Variants in KSR2 observed in about 807,000 individuals in gnomAD.
The protein encoded by KSR2 is kinase suppressor of ras 2.
Under a neutral mutation model 107.8 loss-of-function variants are expected in KSR2, and 25 were observed. The observed-to-expected ratio is 0.23, with a 90% CI of 0.17 to 0.32. The LOEUF is 0.32. Ranked by LOEUF, KSR2 falls within the 10% of genes least tolerant of loss-of-function variation. KSR2 has a pLI of 1.00. For synonymous variants in KSR2, 480 were observed against 507.0 expected, an observed-to-expected ratio of 0.95 and a Z score of 0.71; for missense variants, 887 against 1,268.9, an observed-to-expected ratio of 0.70 and a Z score of 4.57.
intron 1 of KSR2, among the ~76,000 whole-genome samples, chr12:117,945,652 T>C (rs533687505): frequency 1.3e-5 from 2 of 152,286 alleles, no homozygotes; most frequent in Admixed American, 6.5e-5. Context: ...CCAGCCTGGG[T>C]GACAGAGTGA....
chr12:117,484,922 C>T (rs771116701), intron 15 of KSR2, among the ~76,000 whole-genome samples: 1 of 152,218 alleles, frequency 6.6e-6, no homozygotes, highest in African/African-American at 2.4e-5. Flanking sequence ...GTCAGATCTA[C>T]TTAACCTATG....
intron 3 of KSR2, among the ~76,000 whole-genome samples, chr12:117,829,260 T>C (rs933254282): frequency 2.6e-5 from 4 of 152,196 alleles, no homozygotes; most frequent in African/African-American, 7.2e-5. Context: ...TTTTTCCGTA[T>C]GCCTGAGCAG....
rs56169273 is a variant in KSR2 at position 117,637,675 on chromosome 12, G to GTT, written c.1171+29797_1171+29798dup. Among the ~76,000 whole-genome samples the GTT allele has an allele frequency of 7.2e-4, 66 of 92,090 alleles. 3 individuals are homozygous for GTT. The highest frequency in any genetic ancestry group is 8.7e-4 in the Admixed American group (6 of 6,912). 60.4% of individuals were successfully genotyped at this position (92,090 alleles called of 152,430 possible). On this transcript the variant is annotated intron_variant, in intron 5 of 19. Transcript: ENST00000339824. ...AATGGGACCCAGCAGTCAGTTTTGG[G>GTT]TTTTTTTTTTTTTTTTTTTTTTTTG...
intron 1 of KSR2, among the ~76,000 whole-genome samples, chr12:117,959,056 T>A (rs1896592016): frequency 6.6e-6 from 1 of 152,238 alleles, no homozygotes. Flanking sequence ...TTACCTGGAT[T>A]TGATTATTAT....
At chr12:117,630,175 C>T (rs1882737900) in intron 5 of KSR2, among the ~76,000 whole-genome samples, 1 of 152,240 alleles carries the variant, frequency 6.6e-6, no homozygotes, top group Admixed American at 6.5e-5. Flanking sequence ...CGTCTCTCAG[C>T]AGCCCAGTGA....
intron 19 of KSR2, among the ~76,000 whole-genome samples, chr12:117,468,530 A>G (rs962033761): frequency 1.3e-5 from 2 of 152,206 alleles, no homozygotes; most frequent in African/African-American, 4.8e-5. Flanking sequence ...GTAAAAAAAG[A>G]GCCTCCTAAT....
At chr12:117,917,706 C>A (rs375142560) in intron 1 of KSR2, among the ~76,000 whole-genome samples, 1 of 152,034 alleles carries the variant, frequency 6.6e-6, no homozygotes, top group Admixed American at 6.5e-5. Context: ...CACGCACCCA[C>A]GGATGAATAT....
rs915863236 is a variant in KSR2 at position 117,567,331 on chromosome 12, A to T, written c.1326-8758T>A. On this transcript the variant is annotated intron_variant, in intron 7 of 19. Coordinates refer to ENST00000339824, the MANE Select transcript of KSR2 (RefSeq NM_173598.6). ...AATGGGGTGCAAAGACATGTCAATG[A>T]GTGGGCACATGACCTGCCACGGGGA... Among the ~76,000 whole-genome samples the T allele has an allele frequency of 5.9e-5, 9 of 152,204 alleles. No individual in the cohort carries two copies. In the South Asian group the frequency reaches 6.2e-4, roughly 11 times the overall value.
At chr12:117,623,997 T>C (rs1882331610) in intron 5 of KSR2, among the ~76,000 whole-genome samples, 1 of 152,262 alleles carries the variant, frequency 6.6e-6, no homozygotes, top group Non-Finnish European at 1.5e-5. Context: ...TGAGCATTTT[T>C]TCATGTGTCT....
chr12:117,898,643 T>C (rs796519231), intron 1 of KSR2, among the ~76,000 whole-genome samples: 8 of 152,236 alleles, frequency 5.3e-5, no homozygotes, highest in South Asian at 2.1e-4. Context: ...AAAAAAAATT[T>C]TGTGGGTACA....
At chr12:117,612,064 G>A (rs2136318887) in intron 5 of KSR2, among the ~76,000 whole-genome samples, 1 of 152,304 alleles carries the variant, frequency 6.6e-6, no homozygotes, top group South Asian at 2.1e-4. Context: ...GCACAACAAT[G>A]TGAATGTACT....
At chr12:117,765,464 C>T (rs921609326) in intron 3 of KSR2, among the ~76,000 whole-genome samples, 1 of 152,144 alleles carries the variant, frequency 6.6e-6, no homozygotes, top group Non-Finnish European at 1.5e-5. Context: ...AGTTTGGGGG[C>T]TCATAAAATG....
At chr12:117,517,831 T>C (rs1874476991) in intron 14 of KSR2, 1 of 456,036 alleles carries the variant, frequency 2.2e-6, no homozygotes, top group Middle Eastern at 3.3e-4. Flanking sequence ...CTGTACGTTA[T>C]ATTTAGGACA....
At chr12:117,965,908 G>A (rs570947332) in intron 1 of KSR2, among the ~76,000 whole-genome samples, 1 of 152,308 alleles carries the variant, frequency 6.6e-6, no homozygotes, top group South Asian at 2.1e-4. Flanking sequence ...TGGACCCTAA[G>A]TTACCAGCCC....
At chr12:117,946,541 A>C (rs1015245609) in intron 1 of KSR2, among the ~76,000 whole-genome samples, 3 of 152,176 alleles carry the variant, frequency 2.0e-5, no homozygotes, top group African/African-American at 7.2e-5. Context: ...GAACAAATAC[A>C]CTACATGAAT....
At chr12:117,832,035 A>G (rs931241433) in intron 3 of KSR2, among the ~76,000 whole-genome samples, 1 of 152,218 alleles carries the variant, frequency 6.6e-6, no homozygotes, top group African/African-American at 2.4e-5. Flanking sequence ...CTGTAATCCC[A>G]GCATTTTGGG....
intron 16 of KSR2, among the ~76,000 whole-genome samples, chr12:117,477,281 T>A (rs1871850940): frequency 6.6e-6 from 1 of 152,214 alleles, no homozygotes; most frequent in Non-Finnish European, 1.5e-5. Context: ...TAACTCAAAC[T>A]TTTCCCCACT....
At chr12:117,665,752 T>C (rs559077286) in intron 5 of KSR2, among the ~76,000 whole-genome samples, 13 of 152,360 alleles carry the variant, frequency 8.5e-5, no homozygotes, top group African/African-American at 3.1e-4. Context: ...GTCTACAAGA[T>C]GAACCTCTTA....
intron 1 of KSR2, among the ~76,000 whole-genome samples, chr12:117,939,896 G>A (rs929045979): frequency 2.2e-4 from 34 of 151,366 alleles, no homozygotes; most frequent in Admixed American, 2.0e-3. Context: ...AGCCAAGATC[G>A]CGCCACTGCA....
Sources: allele counts gnomAD v4.1 joint callset (sites outside exome capture counted in the v4.1 genomes callset), GRCh38; gene constraint gnomAD v4.1.1; transcripts MANE v1.5; gene names NCBI Gene and HGNC (gene_info 2026-07-23, HGNC 2026-07-21).